Variants in NKAIN2 observed in about 807,000 individuals in gnomAD.
The protein encoded by NKAIN2 is sodium/potassium-transporting ATPase subunit beta-1-interacting protein 2.
Under a neutral mutation model 32.6 loss-of-function variants are expected in NKAIN2, and 14 were observed. The observed-to-expected ratio is 0.43, with a 90% CI of 0.28 to 0.67. The LOEUF is 0.67. NKAIN2 is among the 30% of genes least tolerant of loss of function. The pLI is 0.17. For missense variants in NKAIN2, 198 were observed against 258.3 expected, an observed-to-expected ratio of 0.77 and a Z score of 1.60; for synonymous variants, 80 against 87.2, an observed-to-expected ratio of 0.92 and a Z score of 0.46.
chr6:124,654,886 G>A (rs140898219), intron 3 of NKAIN2, among the ~76,000 whole-genome samples: 1 of 152,162 alleles, frequency 6.6e-6, no homozygotes, highest in East Asian at 1.9e-4. Context: ...CTTACACCAG[G>A]ATCTTAGAAT....
At chr6:124,256,363 G>A (rs1028271524) in intron 1 of NKAIN2, among the ~76,000 whole-genome samples, 3 of 152,092 alleles carry the variant, frequency 2.0e-5, no homozygotes, top group African/African-American at 7.2e-5. Flanking sequence ...ACTTATTAAA[G>A]AATGAAAGGT....
chr6:124,392,351 A>T (rs1207516919), intron 3 of NKAIN2, among the ~76,000 whole-genome samples: 2 of 152,142 alleles, frequency 1.3e-5, no homozygotes, highest in Non-Finnish European at 2.9e-5. Flanking sequence ...TGCTGAATTA[A>T]CAAATAAATG....
intron 3 of NKAIN2, among the ~76,000 whole-genome samples, chr6:124,491,181 A>G (rs2114724504): frequency 6.6e-6 from 1 of 152,030 alleles, no homozygotes; most frequent in South Asian, 2.1e-4. Flanking sequence ...ATTGTTTTAA[A>G]TAACATTTAA....
At position 124,130,612 on chromosome 6, in the gene NKAIN2, ATT is replaced by A. The variant is rs11320716; in HGVS notation, c.55-152380_55-152379del. On this transcript the variant is annotated intron_variant, in intron 1 of 6. Transcript: ENST00000368417. ...GTAAGTGAATTTAATGTTTGCCCTT[ATT>A]TTTTTTTTTTTTGGTAGAATGTTAA... Among the ~76,000 whole-genome samples, 520 of 145,450 alleles carry A rather than the reference ATT, an allele frequency of 3.6e-3. 1 individual carries two copies. Among genetic ancestry groups the A allele is most frequent in the Middle Eastern group, 3.6e-3 (1 of 274 alleles).
intron 1 of NKAIN2, among the ~76,000 whole-genome samples, chr6:123,873,491 T>G (rs7763481): frequency 0.31 from 47,126 of 152,046 alleles, 7,975 homozygotes; most frequent in East Asian, 0.6. Context: ...TATGAGAATT[T>G]TAAGCAGTGC....
At chr6:124,136,891 C>A (rs1786820922) in intron 1 of NKAIN2, among the ~76,000 whole-genome samples, 1 of 151,948 alleles carries the variant, frequency 6.6e-6, no homozygotes, top group Admixed American at 6.6e-5. Context: ...TATGACAGAC[C>A]CACATCTAAT....
intron 1 of NKAIN2, among the ~76,000 whole-genome samples, chr6:123,948,612 T>C (rs1777185025): frequency 7.0e-6 from 1 of 142,664 alleles, no homozygotes; most frequent in Non-Finnish European, 1.5e-5. Flanking sequence ...TTTTTTTTTT[T>C]TTTTTTTTTT....
chr6:124,326,670 G>A (rs1354250331), intron 2 of NKAIN2, among the ~76,000 whole-genome samples: 7 of 151,902 alleles, frequency 4.6e-5, no homozygotes, highest in Non-Finnish European at 1.0e-4. Context: ...GTTCCTTCAG[G>A]GTACTGCTCT....
chr6:124,459,727 A>G lies in NKAIN2; in HGVS notation c.273+104380A>G, dbSNP rs375175808. On this transcript the variant is annotated intron_variant, in intron 3 of 6. Coordinates refer to ENST00000368417, the MANE Select transcript of NKAIN2 (RefSeq NM_001040214.3). ...TCAGTTTTCTTTCTGTTGGTATAAT[A>G]TAACTATAGTCATCTCTTTACTGTA... Among the ~76,000 whole-genome samples, 71 of 151,942 alleles carry G rather than the reference A, an allele frequency of 4.7e-4. No individual in the cohort carries two copies. The East Asian group carries it at 6.8e-3, about 15-fold the overall frequency.
rs576372727 is a variant in NKAIN2 at position 123,902,968 on chromosome 6, A to C, written c.54+98714A>C. ...ATATAGTGTAATGTCCAAAGCAGCA[A>C]ATTATTGGTGGGAACTATTGAAGAT... On this transcript the variant is annotated intron_variant, in intron 1 of 6. Transcript: ENST00000368417. Among the ~76,000 whole-genome samples the C allele has an allele frequency of 6.1e-4, 93 of 152,340 alleles. 1 individual carries two copies. The highest frequency in any genetic ancestry group is 3.1e-4 in the Non-Finnish European group (21 of 68,026).
chr6:124,807,135 G>C (rs1459243227), intron 5 of NKAIN2, among the ~76,000 whole-genome samples: 1 of 151,802 alleles, frequency 6.6e-6, no homozygotes, highest in Non-Finnish European at 1.5e-5. Flanking sequence ...TGCACCAAGT[G>C]GACCTAATAG....
rs1778713796 is a variant in NKAIN2, at chr6:123,977,953, G to A, written c.54+173699G>A. Among the ~76,000 whole-genome samples, 2 of 152,062 alleles carry A rather than the reference G, an allele frequency of 1.3e-5. 1 individual carries two copies. Among genetic ancestry groups the A allele is most frequent in the South Asian group, 4.2e-4 (2 of 4,814 alleles). On this transcript the variant is annotated intron_variant, in intron 1 of 6. Transcript: ENST00000368417. ...AGAGTGTAGCTCATGTCTTATTGAG[G>A]AGGAAGATACAAAGCTAGATGAGCA...
intron 2 of NKAIN2, among the ~76,000 whole-genome samples, chr6:124,326,271 T>G (rs1353134715): frequency 6.6e-6 from 1 of 151,972 alleles, no homozygotes; most frequent in Non-Finnish European, 1.5e-5. Flanking sequence ...TGTGGCCACT[T>G]TTTTATGGTG....
intron 3 of NKAIN2, among the ~76,000 whole-genome samples, chr6:124,382,283 A>G (rs1000434671): frequency 2.5e-5 from 3 of 118,156 alleles, no homozygotes; most frequent in Non-Finnish European, 5.1e-5. Flanking sequence ...AAAAAAGGAG[A>G]AAGGAGAAAT....
intron 4 of NKAIN2, among the ~76,000 whole-genome samples, chr6:124,731,583 T>A (rs1177367305): frequency 7.4e-6 from 1 of 135,212 alleles, no homozygotes; most frequent in Non-Finnish European, 1.6e-5. Flanking sequence ...GGGGGAGGGA[T>A]AGCAATGGGA....
intron 4 of NKAIN2, among the ~76,000 whole-genome samples, chr6:124,659,227 T>C (rs1784655200): frequency 6.6e-6 from 1 of 152,184 alleles, no homozygotes; most frequent in Non-Finnish European, 1.5e-5. Context: ...AGATTCTATG[T>C]GGATGTGCAA....
At chr6:124,725,249 AT>A (rs1274261358) in intron 4 of NKAIN2, among the ~76,000 whole-genome samples, 5 of 151,742 alleles carry the variant, frequency 3.3e-5, no homozygotes, top group Non-Finnish European at 4.4e-5. Context: ...TCTTTTGGCC[AT>A]TTTTTTTGAA....
At chr6:124,780,909 C>G (rs1002649107) in intron 4 of NKAIN2, among the ~76,000 whole-genome samples, 1 of 152,114 alleles carries the variant, frequency 6.6e-6, no homozygotes, top group African/African-American at 2.4e-5. Flanking sequence ...GTGGGAGGAG[C>G]ATGTGCATTC....
At chr6:124,435,986 C>T (rs911276663) in intron 3 of NKAIN2, among the ~76,000 whole-genome samples, 11 of 152,152 alleles carry the variant, frequency 7.2e-5, no homozygotes, top group Admixed American at 4.6e-4. Context: ...AAGTGCTCTA[C>T]GGACGAAATA....
Sources: allele counts gnomAD v4.1 joint callset (sites outside exome capture counted in the v4.1 genomes callset), GRCh38; gene constraint gnomAD v4.1.1; transcripts MANE v1.5; gene names NCBI Gene and HGNC (gene_info 2026-07-23, HGNC 2026-07-21).